The following LCOR variants were observed in gnomAD, a reference collection of about 807,000 sequenced individuals.
The protein encoded by LCOR is ligand dependent nuclear receptor corepressor.
LCOR carries 14 observed loss-of-function variants against 64.4 expected under a neutral mutation model. The observed-to-expected ratio is 0.22, with a 90% CI of 0.14 to 0.34. The LOEUF is 0.34. Among genes scored for constraint, LCOR ranks in the 10% least tolerant of loss-of-function variants. LCOR has a pLI of 1.00. For synonymous variants in LCOR, 643 were observed against 642.5 expected (o/e 1.00, Z -0.01); for missense variants, 1,686 against 1,765.3 (o/e 0.96, Z 0.80).
At chr10:96,919,330 T>C (rs1242806650) in intron 4 of LCOR, among the ~76,000 whole-genome samples, 1 of 148,308 alleles carries the variant, frequency 6.7e-6, no homozygotes, top group African/African-American at 2.5e-5. Flanking sequence ...CACTTTTTTC[T>C]TTCCTTTCTT....
intron 7 of LCOR, chr10:96,955,630 A>G (rs1847759224): frequency 6.2e-7 from 1 of 1,614,084 alleles, no homozygotes; most frequent in African/African-American, 1.3e-5. Context: ...CCTGGCTCCA[A>G]GCAGCCTCGG....
intron 2 of LCOR, among the ~76,000 whole-genome samples, chr10:96,878,097 T>C (rs925522428): frequency 2.0e-5 from 3 of 152,186 alleles, no homozygotes; most frequent in Non-Finnish European, 4.4e-5. Context: ...TATATGCTAG[T>C]ACATTGAAAA....
chr10:96,963,515 C>CCAGG (rs1216078935), intron 7 of LCOR: 1 of 152,100 alleles, frequency 6.6e-6, no homozygotes, highest in Non-Finnish European at 1.5e-5. Flanking sequence ...AACCATTGGG[C>CCAGG]CAGGAGTGCT....
At chr10:96,936,778 C>G (rs1847357372) in intron 4 of LCOR, among the ~76,000 whole-genome samples, 1 of 149,176 alleles carries the variant, frequency 6.7e-6, no homozygotes, top group South Asian at 2.1e-4. Context: ...AGTAGTCTTC[C>G]CCCTTATAAG....
chr10:96,980,704 A>G lies in LCOR; in HGVS notation c.333-89A>G, dbSNP rs1848076235. 4 of 596,046 alleles carry G rather than the reference A, an allele frequency of 6.7e-6. No homozygotes were observed. The Admixed American group carries it at 1.2e-4, about 18-fold the overall frequency. The allele number at this position is 596,046 out of a possible 1,614,324, so 36.9% of individuals were successfully genotyped here. On this transcript the variant is annotated intron_variant, in intron 7 of 7. Transcript: ENST00000421806. Reference sequence around the variant, plus strand: ...TCTACAAAAAATAAATAAATAATAAAATGAATAACGTTGGGTGAATTTTAT... The same window carrying G: ...TCTACAAAAAATAAATAAATAATAAGATGAATAACGTTGGGTGAATTTTAT...
At chr10:96,902,642 A>G (rs1435803489) in intron 2 of LCOR, among the ~76,000 whole-genome samples, 1 of 152,190 alleles carries the variant, frequency 6.6e-6, no homozygotes, top group Non-Finnish European at 1.5e-5. Flanking sequence ...CACCAACCCA[A>G]TACTTTCACT....
Position 96,867,841 on chromosome 10 carries a change from A to G in LCOR, c.-330+34362A>G, listed in dbSNP as rs151176241. ...AGAATATTTTGTCTGTTTTTTCAAG[A>G]TAGCCTACTGGAATTTTAACAACGA... is the stretch of plus-strand genomic sequence containing the variant. On this transcript the variant is annotated intron_variant, in intron 2 of 7. Transcript: ENST00000421806. Among the ~76,000 whole-genome samples the G allele has an allele frequency of 1.1e-4, 16 of 152,194 alleles. No homozygotes were observed. The East Asian group carries it at 3.1e-3, about 29-fold the overall frequency.
chr10:96,967,825 T>G (rs1412590542), intron 7 of LCOR, among the ~76,000 whole-genome samples: 1 of 152,158 alleles, frequency 6.6e-6, no homozygotes, highest in South Asian at 2.1e-4. Context: ...AAAGTCACTT[T>G]AAGTTATTCA....
At chr10:96,876,988 C>T (rs896975469) in intron 2 of LCOR, among the ~76,000 whole-genome samples, 1 of 152,122 alleles carries the variant, frequency 6.6e-6, no homozygotes, top group African/African-American at 2.4e-5. Flanking sequence ...AGCCACTGCA[C>T]CTGGCCAACA....
intron 2 of LCOR, among the ~76,000 whole-genome samples, chr10:96,858,748 C>G (rs369566214): frequency 1.3e-5 from 2 of 152,016 alleles, no homozygotes; most frequent in African/African-American, 4.8e-5. Flanking sequence ...CTGGGAGTTT[C>G]TAATATTGTT....
At chr10:96,945,049 T>TA (rs1847564302) in intron 5 of LCOR, among the ~76,000 whole-genome samples, 2 of 152,360 alleles carry the variant, frequency 1.3e-5, no homozygotes, top group African/African-American at 4.8e-5. Flanking sequence ...ACTTCTTAGT[T>TA]ACACTTTTCC....
intron 2 of LCOR, among the ~76,000 whole-genome samples, chr10:96,875,359 C>T (rs970348649): frequency 4.0e-5 from 6 of 150,540 alleles, no homozygotes; most frequent in South Asian, 4.2e-4. Context: ...GGCGACAGAG[C>T]GAGACTCTGT....
chr10:96,989,438 G>A lies in LCOR; in HGVS notation c.*4304G>A, dbSNP rs1848176794. The A allele has an allele frequency of 6.6e-6, 1 of 151,966 alleles. No homozygotes were observed. The highest frequency in any genetic ancestry group is 1.5e-5 in the Non-Finnish European group (1 of 67,986). The allele number at this position is 151,966 out of a possible 1,614,324, so 9.4% of individuals were successfully genotyped here. ...GATATGGAAAATGTTTTTTCACAGA[G>A]TAGAAACAAAGTCTGATCACAATCC... On this transcript the variant is annotated 3_prime_UTR_variant, in exon 8 of 8. Transcript: ENST00000421806.
At position 96,995,255 on chromosome 10, in the gene LCOR, C is replaced by CTTT. The variant is rs1848233201; in HGVS notation, c.*10123_*10124insTTT. 6.6e-6 allele frequency: 1 copy of CTTT among 152,266 alleles called. No individual in the cohort carries two copies. Among genetic ancestry groups the CTTT allele is most frequent in the Admixed American group, 6.5e-5 (1 of 15,278 alleles). 9.4% of individuals were successfully genotyped at this position (152,266 alleles called of 1,614,324 possible). A position where few individuals can be genotyped will look rare whatever the true frequency, so the allele number is the denominator to read the frequency against. Reference sequence around the variant, plus strand: ...TGTTCAGTTGTGCTCTTTTTGCTGTCTTGTGAGTCTTAGCCAGTGATCCAG... The same window carrying CTTT: ...TGTTCAGTTGTGCTCTTTTTGCTGTCTTTTTGTGAGTCTTAGCCAGTGATCCAG... On this transcript the variant is annotated 3_prime_UTR_variant, in exon 8 of 8. Coordinates refer to ENST00000421806, the MANE Select transcript of LCOR (RefSeq NM_001346516.2). The surrounding 1 kb of genome is among the most constrained non-coding windows in gnomAD (Gnocchi z 4.2).
chr10:96,860,773 TAC>T (rs1845875602), intron 2 of LCOR, among the ~76,000 whole-genome samples: 1 of 152,260 alleles, frequency 6.6e-6, no homozygotes, highest in African/African-American at 2.4e-5. Flanking sequence ...AGTCTATAGT[TAC>T]AGTTTAGCTG....
chr10:96,842,393 A>G (rs1279988165), intron 2 of LCOR, among the ~76,000 whole-genome samples: 1 of 152,092 alleles, frequency 6.6e-6, no homozygotes, highest in Non-Finnish European at 1.5e-5. Context: ...GCTCAATCTC[A>G]AAATACATAC....
chr10:96,920,444 G>GTGTA (rs1564625999), intron 4 of LCOR, among the ~76,000 whole-genome samples: 283 of 7,894 alleles, frequency 0.036, 9 homozygotes, highest in Non-Finnish European at 0.059. Context: ...GTATATATGT[G>GTGTA]TATATATATG....
intron 6 of LCOR, among the ~76,000 whole-genome samples, chr10:96,950,195 T>TGGTGAGAA (rs1847653745): frequency 6.6e-6 from 1 of 152,192 alleles, no homozygotes; most frequent in Non-Finnish European, 1.5e-5. Context: ...TTGGATTTAT[T>TGGTGAGAA]GGTGAGAAAT....
At chr10:96,881,563 TCTC>T (rs2134420058) in intron 2 of LCOR, among the ~76,000 whole-genome samples, 1 of 152,044 alleles carries the variant, frequency 6.6e-6, no homozygotes, top group South Asian at 2.1e-4. Flanking sequence ...TTCAAGCAAT[TCTC>T]CTCCCTCAAC....
Sources: allele counts gnomAD v4.1 joint callset (sites outside exome capture counted in the v4.1 genomes callset), GRCh38; gene constraint gnomAD v4.1.1; non-coding constraint Gnocchi (gnomAD v3.1); transcripts MANE v1.5; gene names NCBI Gene and HGNC (gene_info 2026-07-23, HGNC 2026-07-21).